The following SLC35F2 variants were observed in gnomAD, a reference collection of about 807,000 sequenced individuals.
SLC35F2 encodes the protein queuine/queuosine transporter SLC35F2.
In SLC35F2, 25 loss-of-function variants were observed where a neutral mutation model predicts 38.1. The observed-to-expected ratio is 0.66, with a 90% CI of 0.48 to 0.92. The LOEUF is 0.92. Ranked by LOEUF, SLC35F2 falls within the 40% of genes least tolerant of loss-of-function variation. The probability of loss-of-function intolerance (pLI) is 0.00; values close to 1 mark genes in which losing one functional copy is unlikely to be tolerated. For synonymous variants in SLC35F2, 173 were observed against 181.7 expected, an observed-to-expected ratio of 0.95 and a Z score of 0.38; for missense variants, 409 against 452.9, an observed-to-expected ratio of 0.90 and a Z score of 0.88.
intron 7 of SLC35F2, among the ~76,000 whole-genome samples, chr11:107,802,242 A>AAAAAAAAAATAAATAAAT (rs559048077): frequency 5.4e-5 from 8 of 147,890 alleles, no homozygotes; most frequent in East Asian, 2.1e-4. Context: ...CATCTCAAAA[A>AAAAAAAAAATAAATAAAT]AAATAAATAA....
Position 107,816,860 on chromosome 11 carries a change from T to G in SLC35F2, c.111-895A>C, listed in dbSNP as rs140476484. On this transcript the variant is annotated intron_variant, in intron 1 of 7. Coordinates refer to ENST00000525815, the MANE Select transcript of SLC35F2 (RefSeq NM_017515.5). Reference sequence around the variant, plus strand: ...AAAGGATTGGATTGGAGAAATAAACTTGAGAATCATGAGCATAAATGTGGT... The same window carrying G: ...AAAGGATTGGATTGGAGAAATAAACGTGAGAATCATGAGCATAAATGTGGT... Among the ~76,000 whole-genome samples the G allele has an allele frequency of 8.9e-4, 135 of 152,178 alleles. No individual in the cohort carries two copies. In the East Asian group the frequency reaches 0.02, roughly 22 times the overall value.
rs989227732 is a variant in SLC35F2, at chr11:107,811,680, A to G, written c.401T>C (p.Leu134Pro). The change falls in exon 3 of 8, where the codon CTA (leucine) becomes CCA (proline). Residue 134 changes from leucine (L) to proline (P), a missense_variant. Physicochemically the swap from Leu to Pro is moderately conservative, Grantham distance 98 (BLOSUM62 -3). Coordinates refer to ENST00000525815, the MANE Select transcript of SLC35F2 (RefSeq NM_017515.5). ...VIVRAYQYTT[L>P]TSVQLLDCFG... ...GCTCCCTCTTACCTGGACACTGGTT[A>G]GAGTTGTGTACTGGTAGGCTCTGAC... 4 of 1,613,344 alleles carry G rather than the reference A, an allele frequency of 2.5e-6. No individual in the cohort carries two copies. The highest frequency in any genetic ancestry group is 3.4e-6 in the Non-Finnish European group (4 of 1,179,640).
chr11:107,831,757 C>G (rs1859845866), intron 1 of SLC35F2, among the ~76,000 whole-genome samples: 1 of 152,180 alleles, frequency 6.6e-6, no homozygotes, highest in African/African-American at 2.4e-5. Flanking sequence ...TAAGTTTGAA[C>G]AGCAAGAGCT....
chr11:107,819,655 C>G (rs920146300), intron 1 of SLC35F2, among the ~76,000 whole-genome samples: 1 of 152,194 alleles, frequency 6.6e-6, no homozygotes, highest in African/African-American at 2.4e-5. Flanking sequence ...GGGGCCAAAG[C>G]CAAAGGCTGA....
intron 1 of SLC35F2, among the ~76,000 whole-genome samples, chr11:107,827,960 G>C (rs1859781496): frequency 6.6e-6 from 1 of 152,124 alleles, no homozygotes; most frequent in African/African-American, 2.4e-5. Flanking sequence ...AAGAACTAGA[G>C]CTTTTTGGAG....
rs1326470452 is a variant in SLC35F2, at chr11:107,815,929, C to T, written c.147G>A (p.Leu49=). 3.1e-6 allele frequency: 5 copies of T among 1,612,866 alleles called. No individual in the cohort carries two copies. Among genetic ancestry groups the T allele is most frequent in the Non-Finnish European group, 4.2e-6 (5 of 1,179,802 alleles). Residue 49 remains leucine (L), a synonymous_variant, in exon 2 of 8, where the codon TTG becomes TTA. Coordinates refer to ENST00000525815, the MANE Select transcript of SLC35F2 (RefSeq NM_017515.5). ...TGGCTGTCCCACATATACACAAGGA[C>T]AACATCTGACCCAGGGCAATTGTTT... ...ILKTIALGQM[L]SLCICGTAIT... is the part of the protein sequence containing the mutation.
chr11:107,834,587 T>A lies in SLC35F2; in HGVS notation c.111-18622A>T, dbSNP rs1591202984. Among the ~76,000 whole-genome samples, 7 of 152,048 alleles carry A rather than the reference T, an allele frequency of 4.6e-5. 1 individual carries two copies. The South Asian group carries it at 1.5e-3, about 32-fold the overall frequency. On this transcript the variant is annotated intron_variant, in intron 1 of 7. Coordinates refer to ENST00000525815, the MANE Select transcript of SLC35F2 (RefSeq NM_017515.5). ...ATCACTTGAACCCAGGAGGCGGAGG[T>A]TGCAGTGAGCCGAGATCGCGCTATT...
At chr11:107,854,223 A>C (rs916945182) in intron 1 of SLC35F2, among the ~76,000 whole-genome samples, 3 of 151,840 alleles carry the variant, frequency 2.0e-5, no homozygotes, top group African/African-American at 7.3e-5. Flanking sequence ...CTTGAGCCAA[A>C]GAGTTTGAGA....
intron 3 of SLC35F2, among the ~76,000 whole-genome samples, chr11:107,809,363 G>A (rs147706677): frequency 0.021 from 3,010 of 144,334 alleles, 102 homozygotes; most frequent in African/African-American, 0.073. Context: ...TCAGCTGGGC[G>A]CATGCCTGTA....
At chr11:107,804,860 G>C (rs1193490871) in intron 5 of SLC35F2, 90 bp from the exon 6 acceptor site, 1 of 1,209,618 alleles carries the variant, frequency 8.3e-7, no homozygotes, top group Non-Finnish European at 1.2e-6. Flanking sequence ...CAGCTAAAGT[G>C]AGGAATTACA....
intron 1 of SLC35F2, among the ~76,000 whole-genome samples, chr11:107,849,588 G>A (rs1293089659): frequency 6.7e-6 from 1 of 149,958 alleles, no homozygotes; most frequent in Non-Finnish European, 1.5e-5. Context: ...GCAGTGAGCT[G>A]AGATTGCGCC....
chr11:107,810,239 C>T, intron 3 of SLC35F2: 2 of 985,282 alleles, frequency 2.0e-6, no homozygotes, highest in Non-Finnish European at 2.4e-6. Flanking sequence ...CTTTTGGCAA[C>T]CAAATGCTTA....
chr11:107,821,478 G>A lies in SLC35F2; in HGVS notation c.111-5513C>T, dbSNP rs1859671966. 6 of 985,214 alleles carry A rather than the reference G, an allele frequency of 6.1e-6. No homozygotes were observed. The South Asian group carries it at 2.8e-4, about 46-fold the overall frequency. The allele number at this position is 985,214 out of a possible 1,614,324, so 61.0% of individuals were successfully genotyped here. A position where few individuals can be genotyped will look rare whatever the true frequency, so the allele number is the denominator to read the frequency against. Reference sequence around the variant, plus strand: ...AGAAAAGCTGGCGGGGAGGGGGTAGGAAATTGAGCAAAGGAAGAAAGAAGA... The same window carrying A: ...AGAAAAGCTGGCGGGGAGGGGGTAGAAAATTGAGCAAAGGAAGAAAGAAGA... On this transcript the variant is annotated intron_variant, in intron 1 of 7. Coordinates refer to ENST00000525815, the MANE Select transcript of SLC35F2 (RefSeq NM_017515.5).
intron 3 of SLC35F2, chr11:107,810,788 C>T (rs1444924502): frequency 2.0e-6 from 2 of 980,400 alleles, no homozygotes; most frequent in African/African-American, 3.5e-5. Context: ...ATACTGAGTT[C>T]TCATCAATCC....
chr11:107,809,487 C>T (rs540466264), intron 3 of SLC35F2: 32 of 149,326 alleles, frequency 2.1e-4, no homozygotes, highest in Non-Finnish European at 3.5e-4. Flanking sequence ...AAAAAATTAG[C>T]CAAGTGTGGT....
intron 7 of SLC35F2, among the ~76,000 whole-genome samples, chr11:107,794,891 G>C (rs762522250): frequency 2.0e-5 from 3 of 152,124 alleles, no homozygotes; most frequent in Non-Finnish European, 4.4e-5. Flanking sequence ...AAAATCAGTA[G>C]CCTTTCTATA....
At chr11:107,810,623 G>GT in intron 3 of SLC35F2, 1 of 985,302 alleles carries the variant, frequency 1.0e-6, no homozygotes, top group South Asian at 4.7e-5. Context: ...CTCCTATAGT[G>GT]TCTGTCTTAA....
chr11:107,799,896 T>TG (rs201075320), intron 7 of SLC35F2, among the ~76,000 whole-genome samples: 13,518 of 50,766 alleles, frequency 0.27, 1,541 homozygotes, highest in African/African-American at 0.49. Context: ...TGTTTTTGTT[T>TG]TTTTTTTTTT....
chr11:107,827,864 T>C (rs988405434), intron 1 of SLC35F2, among the ~76,000 whole-genome samples: 3 of 152,124 alleles, frequency 2.0e-5, no homozygotes, highest in South Asian at 2.1e-4. Flanking sequence ...TGAGCCGAGA[T>C]TGCATCATTG....
Sources: allele counts gnomAD v4.1 joint callset (sites outside exome capture counted in the v4.1 genomes callset), GRCh38; gene constraint gnomAD v4.1.1; transcripts MANE v1.5; gene names NCBI Gene and HGNC (gene_info 2026-07-23, HGNC 2026-07-21).